The following DNAJB1 variants were observed in gnomAD, a reference collection of about 807,000 sequenced individuals.
DNAJB1 encodes the protein DnaJ heat shock protein family (Hsp40) member B1.
A neutral mutation model predicts 24.0 loss-of-function variants in DNAJB1; 14 were observed. That is an observed-to-expected ratio of 0.58 (90% CI 0.39 to 0.91). The LOEUF is 0.91. DNAJB1 is among the 40% of genes least tolerant of loss of function. The pLI is 0.00. For missense variants in DNAJB1, 517 were observed against 458.1 expected (o/e 1.13, Z -1.17); for synonymous variants, 262 against 174.4 (o/e 1.50, Z -3.96).
At chr19:14,555,754 A>T (rs2073699772) in intron 1 of DNAJB1, among the ~76,000 whole-genome samples, 1 of 152,054 alleles carries the variant, frequency 6.6e-6, no homozygotes, top group Non-Finnish European at 1.5e-5. Flanking sequence ...GCTAATTTTT[A>T]TAAATACTTT....
intron 1 of DNAJB1, among the ~76,000 whole-genome samples, chr19:14,544,533 T>C (rs1233553849): frequency 6.6e-6 from 1 of 151,608 alleles, no homozygotes; most frequent in Non-Finnish European, 1.5e-5. Flanking sequence ...TGGCTTTGAG[T>C]GCGGGTCCTG....
chr19:14,518,679 TC>T (rs1168723460), upstream of DNAJB1, among the ~76,000 whole-genome samples: 1 of 152,040 alleles, frequency 6.6e-6, no homozygotes, highest in East Asian at 1.9e-4. Flanking sequence ...ATCGCGACCT[TC>T]TTTCCCTCTC....
intron 2 of DNAJB1, among the ~76,000 whole-genome samples, chr19:14,524,042 G>A (rs1430218232): frequency 6.6e-6 from 1 of 152,168 alleles, no homozygotes; most frequent in African/African-American, 2.4e-5. Context: ...CATTTTACAG[G>A]TGGGGAGATG....
At chr19:14,559,723 G>T (rs941441468) in intron 1 of DNAJB1, among the ~76,000 whole-genome samples, 36 of 151,968 alleles carry the variant, frequency 2.4e-4, no homozygotes, top group Non-Finnish European at 2.9e-5. Context: ...GGGGGCGGAG[G>T]TTGCAGTGAG....
chr19:14,517,990 A>C, intron 1 of DNAJB1, 149 bp downstream of exon 1: 1 of 857,828 alleles, frequency 1.2e-6, no homozygotes, highest in South Asian at 2.8e-5. Context: ...CGCCAATCCG[A>C]GGGCGGAGGC....
intron 1 of DNAJB1, among the ~76,000 whole-genome samples, chr19:14,545,453 CG>C (rs1394095984): frequency 6.6e-6 from 1 of 152,134 alleles, no homozygotes; most frequent in Non-Finnish European, 1.5e-5. Flanking sequence ...ATCGTGACCC[CG>C]TATTATGTAA....
intron 1 of DNAJB1, among the ~76,000 whole-genome samples, chr19:14,538,899 A>G (rs759321821): frequency 2.8e-4 from 42 of 151,906 alleles, no homozygotes; most frequent in Non-Finnish European, 5.7e-4. Flanking sequence ...GTCAAATCAT[A>G]TGCCCAGAAG....
At chr19:14,518,008 G>A (rs1409095058) in intron 1 of DNAJB1, 131 bp downstream of exon 1, 5 of 1,026,702 alleles carry the variant, frequency 4.9e-6, no homozygotes, top group Non-Finnish European at 6.5e-6. Context: ...GGCCCGCGAG[G>A]CCGGAGGGCG....
chr19:14,528,692 C>A (rs1439492604), intron 1 of DNAJB1, among the ~76,000 whole-genome samples: 1 of 151,956 alleles, frequency 6.6e-6, no homozygotes, highest in East Asian at 1.9e-4. Context: ...GTAATCCTAG[C>A]ACTTTGGGAG....
chr19:14,518,028 G>C (rs2072305878), intron 1 of DNAJB1, 111 bp downstream of exon 1: 1 of 1,189,990 alleles, frequency 8.4e-7, no homozygotes, highest in South Asian at 2.0e-5. Flanking sequence ...GGGGCAGCTC[G>C]GCCCCACGGC....
upstream of DNAJB1, among the ~76,000 whole-genome samples, chr19:14,518,707 C>T (rs1340303257): frequency 2.6e-5 from 4 of 152,132 alleles, no homozygotes; most frequent in East Asian, 3.9e-4. Flanking sequence ...GCCCCAGCTA[C>T]CCTGCGTCCC....
chr19:14,515,532 A>G lies in DNAJB1; in HGVS notation c.*408T>C. 5.2e-6 allele frequency: 1 copy of G among 190,668 alleles called. No individual in the cohort carries two copies. The highest frequency in any genetic ancestry group is 8.8e-5 in the South Asian group (1 of 11,336). 11.8% of individuals were successfully genotyped at this position (190,668 alleles called of 1,614,324 possible). On this transcript the variant is annotated 3_prime_UTR_variant, in exon 3 of 3. Transcript: ENST00000254322. ...GCACAAACTGATCACACAACAGAAA[A>G]GGAGGAGTGTACAGGGTCTGGGAAT...
intron 1 of DNAJB1, chr19:14,527,883 C>T (rs2072463529): frequency 6.6e-6 from 1 of 152,014 alleles, no homozygotes; most frequent in African/African-American, 2.4e-5. Flanking sequence ...TGTCAAAAGT[C>T]TTTTCTTTTT....
intron 1 of DNAJB1, among the ~76,000 whole-genome samples, chr19:14,558,046 C>A (rs966758084): frequency 6.6e-6 from 1 of 152,156 alleles, no homozygotes; most frequent in Non-Finnish European, 1.5e-5. Flanking sequence ...TGAGCCACCA[C>A]GCCCGGCCTA....
chr19:14,518,063 G>C, intron 1 of DNAJB1, 76 bp downstream of exon 1: 2 of 1,334,996 alleles, frequency 1.5e-6, no homozygotes, highest in Non-Finnish European at 1.9e-6. Flanking sequence ...CCGGGGGGCC[G>C]CCGAGAGGGG....
chr19:14,558,637 C>T (rs904787516), intron 1 of DNAJB1, among the ~76,000 whole-genome samples: 1 of 152,198 alleles, frequency 6.6e-6, no homozygotes, highest in Non-Finnish European at 1.5e-5. Flanking sequence ...CCTGCCCTCT[C>T]CCTGCCCGTC....
At chr19:14,517,417 T>C (rs1047321592) in intron 1 of DNAJB1, 19 of 204,248 alleles carry the variant, frequency 9.3e-5, no homozygotes, top group African/African-American at 3.5e-4. Context: ...TTAGGGCTAA[T>C]GGTGCGTAGG....
intron 1 of DNAJB1, among the ~76,000 whole-genome samples, chr19:14,556,367 C>T (rs974836569): frequency 2.0e-5 from 3 of 151,366 alleles, no homozygotes; most frequent in East Asian, 1.9e-4. Flanking sequence ...GAGCCGAGAT[C>T]GCGCCACTGC....
upstream of DNAJB1, among the ~76,000 whole-genome samples, chr19:14,521,331 T>G (rs2072356778): frequency 6.6e-6 from 1 of 151,860 alleles, no homozygotes; most frequent in Non-Finnish European, 1.5e-5. Flanking sequence ...CGGTGGCAGG[T>G]GCCTGTAATC....
Sources: allele counts gnomAD v4.1 joint callset (sites outside exome capture counted in the v4.1 genomes callset), GRCh38; gene constraint gnomAD v4.1.1; transcripts MANE v1.5; gene names NCBI Gene and HGNC (gene_info 2026-07-23, HGNC 2026-07-21).